TESK2: variants seen among roughly 807,000 people sequenced by gnomAD.
TESK2 encodes dual specificity testis-specific protein kinase 2.
In TESK2, 39 loss-of-function variants were observed where a neutral mutation model predicts 57.1. That is an observed-to-expected ratio of 0.68 (90% CI 0.53 to 0.89). The LOEUF (loss-of-function observed/expected upper bound fraction) is 0.89. TESK2 is among the 40% of genes least tolerant of loss of function. The pLI, the probability that TESK2 is intolerant of heterozygous loss-of-function variation, is 0.00. For missense variants in TESK2, 646 were observed against 732.1 expected (o/e 0.88, Z 1.36); for synonymous variants, 249 against 267.9 (o/e 0.93, Z 0.69).
At position 45,355,259 on chromosome 1, in the gene TESK2, A is replaced by G. The variant is rs569769565; in HGVS notation, c.540+44T>C. ...AACACAGCTTTCTTGGCAAAAGAGA[A>G]GGGTGGTATCTCTCAATGAGTTGTG... On this transcript the variant is annotated intron_variant, in intron 5 of 10. Coordinates refer to ENST00000372086, the MANE Select transcript of TESK2 (RefSeq NM_007170.3). 3 of 1,598,822 alleles carry G rather than the reference A, an allele frequency of 1.9e-6. No individual in the cohort carries two copies. The South Asian group carries it at 3.4e-5, about 18-fold the overall frequency.
intron 2 of TESK2, 105 bp downstream of exon 2, chr1:45,457,459 G>T: frequency 1.0e-6 from 1 of 990,608 alleles, no homozygotes; most frequent in Non-Finnish European, 1.6e-6. Flanking sequence ...AAGATCCACA[G>T]CACCTTTATT....
At chr1:45,383,039 T>G (rs560335363) in intron 4 of TESK2, among the ~76,000 whole-genome samples, 5 of 152,368 alleles carry the variant, frequency 3.3e-5, no homozygotes, top group Admixed American at 6.5e-5. Flanking sequence ...ATATTCTTCC[T>G]AATAATGTCA....
chr1:45,459,546 A>T (rs72686484), intron 1 of TESK2, among the ~76,000 whole-genome samples: 3,836 of 152,324 alleles, frequency 0.025, 78 homozygotes, highest in Non-Finnish European at 0.037. Context: ...CCACAAGAAC[A>T]AAAATTTAGG....
intron 2 of TESK2, among the ~76,000 whole-genome samples, chr1:45,429,266 C>A (rs535398311): frequency 2.0e-4 from 30 of 151,960 alleles, no homozygotes; most frequent in Non-Finnish European, 4.4e-4. Context: ...CGTGATGGTG[C>A]GTGTCTGTAG....
intron 3 of TESK2, among the ~76,000 whole-genome samples, chr1:45,407,284 G>T (rs1315009412): frequency 2.0e-5 from 3 of 151,808 alleles, no homozygotes; most frequent in Non-Finnish European, 4.4e-5. Context: ...CTGAGACAGG[G>T]TCCCACTATG....
chr1:45,446,695 A>G (rs1406934195), intron 2 of TESK2, among the ~76,000 whole-genome samples: 1 of 152,160 alleles, frequency 6.6e-6, no homozygotes, highest in Admixed American at 6.5e-5. Flanking sequence ...ACAATCAAAG[A>G]GTAATTATTT....
intron 3 of TESK2, among the ~76,000 whole-genome samples, chr1:45,404,510 A>G (rs1361701652): frequency 6.6e-6 from 1 of 152,058 alleles, no homozygotes; most frequent in Non-Finnish European, 1.5e-5. Flanking sequence ...TAATCCTTGT[A>G]AAAATATGTG....
chr1:45,469,738 T>C (rs911279255), intron 1 of TESK2, among the ~76,000 whole-genome samples: 2 of 152,192 alleles, frequency 1.3e-5, no homozygotes, highest in Non-Finnish European at 2.9e-5. Flanking sequence ...AAAATCAGTA[T>C]TGATTTAAAC....
At chr1:45,471,570 T>A (rs1433390950) in intron 1 of TESK2, among the ~76,000 whole-genome samples, 3 of 151,900 alleles carry the variant, frequency 2.0e-5, no homozygotes, top group Non-Finnish European at 2.9e-5. Flanking sequence ...TATGCCCAGA[T>A]AATTTTTTTG....
At chr1:45,370,567 T>A (rs1476689271) in intron 4 of TESK2, among the ~76,000 whole-genome samples, 1 of 152,102 alleles carries the variant, frequency 6.6e-6, no homozygotes, top group Non-Finnish European at 1.5e-5. Context: ...ATAGGAGGGG[T>A]ACCAAACTAC....
intron 3 of TESK2, among the ~76,000 whole-genome samples, chr1:45,409,459 C>T (rs550665180): frequency 1.2e-4 from 19 of 152,310 alleles, no homozygotes; most frequent in Admixed American, 6.5e-4. Context: ...GTCAGAGCCA[C>T]GTAGGCCAAA....
chr1:45,422,915 G>A (rs1018312622), intron 2 of TESK2, among the ~76,000 whole-genome samples: 3 of 150,526 alleles, frequency 2.0e-5, no homozygotes, highest in East Asian at 2.0e-4. Context: ...GATTACAAGC[G>A]CCTGCCACCG....
At chr1:45,478,889 A>C (rs1653103449) in intron 1 of TESK2, among the ~76,000 whole-genome samples, 1 of 151,736 alleles carries the variant, frequency 6.6e-6, no homozygotes, top group Non-Finnish European at 1.5e-5. Flanking sequence ...ATGCCCAGCT[A>C]ATTTTTGTAT....
In TESK2 at chr1:45,474,620, G is replaced by A. The variant is rs531428415; in HGVS notation, c.-87+16232C>T. Reference sequence around the variant, plus strand: ...CCTGAGTAGCTGGGATTACAGGTGCGTACCACCACGCTGGGCTAATTTTTG... The same window carrying A: ...CCTGAGTAGCTGGGATTACAGGTGCATACCACCACGCTGGGCTAATTTTTG... On this transcript the variant is annotated intron_variant, in intron 1 of 10. Transcript: ENST00000372086. Among the ~76,000 whole-genome samples the A allele has an allele frequency of 1.3e-4, 19 of 151,892 alleles. 1 individual carries two copies. The East Asian group carries it at 2.3e-3, about 19-fold the overall frequency.
At chr1:45,434,959 C>CTTTT (rs60515365) in intron 2 of TESK2, among the ~76,000 whole-genome samples, 3 of 140,446 alleles carry the variant, frequency 2.1e-5, no homozygotes, top group Non-Finnish European at 3.1e-5. Flanking sequence ...ACTTTTCTTT[C>CTTTT]TTTTTTTTTT....
chr1:45,396,420 A>T (rs918714721), intron 3 of TESK2, among the ~76,000 whole-genome samples: 2 of 151,692 alleles, frequency 1.3e-5, no homozygotes, highest in African/African-American at 4.8e-5. Context: ...TTAAAACACA[A>T]CTCAAAATTT....
At chr1:45,475,085 A>AAAAAAAG (rs1557588075) in intron 1 of TESK2, among the ~76,000 whole-genome samples, 3 of 146,112 alleles carry the variant, frequency 2.1e-5, no homozygotes, top group Non-Finnish European at 3.0e-5. Flanking sequence ...AAAAAAAAGA[A>AAAAAAAG]AAGAAAAGAA....
At chr1:45,359,387 CCA>C (rs1647579093) in intron 4 of TESK2, among the ~76,000 whole-genome samples, 1 of 151,830 alleles carries the variant, frequency 6.6e-6, no homozygotes, top group Non-Finnish European at 1.5e-5. Flanking sequence ...TAGTGAAACC[CCA>C]TCTCTACTAA....
intron 1 of TESK2, among the ~76,000 whole-genome samples, chr1:45,472,287 G>A (rs1652800270): frequency 2.7e-5 from 4 of 149,034 alleles, no homozygotes; most frequent in Non-Finnish European, 3.0e-5. Context: ...TCCGGGCACC[G>A]TGGCTCACAC....
Sources: allele counts gnomAD v4.1 joint callset (sites outside exome capture counted in the v4.1 genomes callset), GRCh38; gene constraint gnomAD v4.1.1; transcripts MANE v1.5; gene names NCBI Gene and HGNC (gene_info 2026-07-23, HGNC 2026-07-21).